The following DRAXIN variants were observed in gnomAD, a reference collection of about 807,000 sequenced individuals.
DRAXIN encodes the protein dorsal inhibitory axon guidance protein.
DRAXIN carries 27 observed loss-of-function variants against 33.9 expected under a neutral mutation model. That is an observed-to-expected ratio of 0.80 (90% CI 0.59 to 1.10). The LOEUF is 1.10. Ranked by LOEUF, DRAXIN falls within the 50% of genes least tolerant of loss-of-function variation. The probability of loss-of-function intolerance (pLI) is 0.00; values close to 1 mark genes in which losing one functional copy is unlikely to be tolerated. For missense variants in DRAXIN, 371 were observed against 460.8 expected, an observed-to-expected ratio of 0.81 and a Z score of 1.78; for synonymous variants, 178 against 194.0, an observed-to-expected ratio of 0.92 and a Z score of 0.69.
chr1:11,719,167 G>A (rs1641623190), intron 6 of DRAXIN, among the ~76,000 whole-genome samples: 1 of 152,202 alleles, frequency 6.6e-6, no homozygotes, highest in African/African-American at 2.4e-5. Flanking sequence ...GCCTTACAAA[G>A]CGCTGGGATT....
rs1049728675 is a variant in DRAXIN, at chr1:11,720,538, A to T, written c.*842A>T. 6.7e-6 allele frequency: 1 copy of T among 148,198 alleles called. No homozygotes were observed. The highest frequency in any genetic ancestry group is 2.5e-5 in the African/African-American group (1 of 40,032). 9.2% of individuals were successfully genotyped at this position (148,198 alleles called of 1,614,324 possible). A position where few individuals can be genotyped will look rare whatever the true frequency, so the allele number is the denominator to read the frequency against. On this transcript the variant is annotated 3_prime_UTR_variant, in exon 7 of 7. Transcript: ENST00000294485. ...AACTTGGGAGGCAGAGGTTGCAGTG[A>T]GCAGAGATCGTGCCACTGCACTCCA...
At chr1:11,713,062 G>A (rs1641522289) in intron 5 of DRAXIN, among the ~76,000 whole-genome samples, 1 of 152,124 alleles carries the variant, frequency 6.6e-6, no homozygotes, top group South Asian at 2.1e-4. Flanking sequence ...GCTGGGCATG[G>A]TGGTGTGCGC....
At chr1:11,702,145 C>T (rs1412875851) in intron 1 of DRAXIN, among the ~76,000 whole-genome samples, 2 of 148,902 alleles carry the variant, frequency 1.3e-5, no homozygotes, top group Non-Finnish European at 3.0e-5. Flanking sequence ...ACGTACACGC[C>T]CACACACATT....
chr1:11,713,747 A>AT (rs1641533574), intron 5 of DRAXIN, among the ~76,000 whole-genome samples: 1 of 152,184 alleles, frequency 6.6e-6, no homozygotes, highest in African/African-American at 2.4e-5. Flanking sequence ...ATTTAAAAAA[A>AT]TAACCAGGCT....
chr1:11,706,117 G>A lies in DRAXIN; in HGVS notation c.-10-132G>A, dbSNP rs1195787891. On this transcript the variant is annotated intron_variant, in intron 1 of 6. Coordinates refer to ENST00000294485, the MANE Select transcript of DRAXIN (RefSeq NM_198545.4). The surrounding 1 kb of genome is among the most constrained non-coding windows in gnomAD (Gnocchi z 5.5). ...TTTGACAACTAAAATATGTCTTCGG[G>A]CATTGCCAAATGTCACTGGGAGCAA... The A allele has an allele frequency of 2.3e-5, 20 of 864,312 alleles. No homozygotes were observed. Among genetic ancestry groups the A allele is most frequent in the Non-Finnish European group, 1.9e-5 (11 of 584,854 alleles). The allele number at this position is 864,312 out of a possible 1,614,324, so 53.5% of individuals were successfully genotyped here. A position where few individuals can be genotyped will look rare whatever the true frequency, so the allele number is the denominator to read the frequency against.
chr1:11,719,072 T>C (rs1479233852), intron 6 of DRAXIN, among the ~76,000 whole-genome samples: 1 of 152,100 alleles, frequency 6.6e-6, no homozygotes, highest in African/African-American at 2.4e-5. Context: ...GGGTAGTTTT[T>C]GTATTTTTTT....
intron 3 of DRAXIN, 146 bp from the exon 4 acceptor site, chr1:11,711,705 T>C (rs1570317059): frequency 5.9e-6 from 4 of 676,034 alleles, no homozygotes; most frequent in South Asian, 3.7e-5. Context: ...GCCATCTTTA[T>C]GTCCTTGGGC....
chr1:11,692,233 G>C lies in DRAXIN; in HGVS notation c.-11+380G>C, dbSNP rs1363615159. Among the ~76,000 whole-genome samples, 1 of 152,156 alleles carries C rather than the reference G, an allele frequency of 6.6e-6. No homozygotes were observed. The highest frequency in any genetic ancestry group is 2.4e-5 in the African/African-American group (1 of 41,424). The stretch of plus-strand genomic sequence containing the variant: ...TCTCTCCCTGACCCAGTCTCCCTTT[G>C]TCTCTCTGTCTCTGAGTCTCCGGGT... On this transcript the variant is annotated intron_variant, in intron 1 of 6. Transcript: ENST00000294485. The surrounding 1 kb of genome is among the most constrained non-coding windows in gnomAD (Gnocchi z 5.8).
rs1641303919 is a variant in DRAXIN at position 11,702,297 on chromosome 1, GCT to G, written c.-10-3950_-10-3949del. On this transcript the variant is annotated intron_variant, in intron 1 of 6. Transcript: ENST00000294485. The stretch of plus-strand genomic sequence containing the variant: ...TACCCATACATATTCACACTCACAT[GCT>G]CACAGCACACACACACGCTCACGCA... Among the ~76,000 whole-genome samples, 3 of 140,216 alleles carry G rather than the reference GCT, an allele frequency of 2.1e-5. No individual in the cohort carries two copies. In the South Asian group the frequency reaches 6.7e-4, roughly 32 times the overall value. The allele number at this position is 140,216 out of a possible 152,430, so 92.0% of individuals were successfully genotyped here. A position where few individuals can be genotyped will look rare whatever the true frequency, so the allele number is the denominator to read the frequency against.
chr1:11,715,019 C>T, intron 5 of DRAXIN, 100 bp from the exon 6 acceptor site: 1 of 1,423,064 alleles, frequency 7.0e-7, no homozygotes, highest in Non-Finnish European at 9.9e-7. Context: ...GCGCGGCCTG[C>T]CACAGAGATG....
rs1641200592 is a variant in DRAXIN, at chr1:11,696,851, ACT to A, written c.-11+5001_-11+5002del. Among the ~76,000 whole-genome samples the A allele has an allele frequency of 2.0e-5, 3 of 151,220 alleles. No homozygotes were observed. On this transcript the variant is annotated intron_variant, in intron 1 of 6. Coordinates refer to ENST00000294485, the MANE Select transcript of DRAXIN (RefSeq NM_198545.4). The surrounding 1 kb of genome is among the most constrained non-coding windows in gnomAD (Gnocchi z 4.7). The stretch of plus-strand genomic sequence containing the variant: ...CACTCCAGCCTGGTGACAGAGCAAG[ACT>A]CTGTCTCAAAAAACAAAAACAAAAC...
chr1:11,693,012 T>C (rs1459915470), intron 1 of DRAXIN, among the ~76,000 whole-genome samples: 1 of 151,776 alleles, frequency 6.6e-6, no homozygotes, highest in African/African-American at 2.4e-5. Context: ...TCCACAGAAA[T>C]GGATCTCAAA....
In DRAXIN at chr1:11,706,581, A is replaced by C. The variant is rs775541982; in HGVS notation, c.323A>C (p.Asp108Ala). Residue 108 changes from aspartate to alanine, a missense_variant, in exon 2 of 7, where the codon GAC becomes GCC. Coordinates refer to ENST00000294485, the MANE Select transcript of DRAXIN (RefSeq NM_198545.4). This position sits in a 1 kb window ranked among gnomAD's most constrained non-coding sequence, Gnocchi z 5.5. Reference protein sequence around the residue: ...PEQSPAGLLQDKDLLLGLALP... With the variant: ...PEQSPAGLLQAKDLLLGLALP... ...CAGAGTCCTGCAGGCCTGCTGCAGG[A>C]CAAGGACCTGCTCCTGGGACTGGCA... The C allele has an allele frequency of 6.2e-7, 1 of 1,608,660 alleles. No individual in the cohort carries two copies. Among genetic ancestry groups the C allele is most frequent in the Non-Finnish European group, 8.5e-7 (1 of 1,179,398 alleles).
At chr1:11,716,551 A>G (rs1297084149) in intron 6 of DRAXIN, among the ~76,000 whole-genome samples, 1 of 152,208 alleles carries the variant, frequency 6.6e-6, no homozygotes, top group Non-Finnish European at 1.5e-5. Flanking sequence ...TTAGCCTCAG[A>G]GAGTTATCTA....
At chr1:11,700,818 T>G (rs1004592591) in intron 1 of DRAXIN, among the ~76,000 whole-genome samples, 5 of 152,134 alleles carry the variant, frequency 3.3e-5, no homozygotes, top group African/African-American at 1.2e-4. Flanking sequence ...CAGCCATGAC[T>G]TGCTCCCCCC....
At chr1:11,701,973 C>A (rs908715989) in intron 1 of DRAXIN, among the ~76,000 whole-genome samples, 2 of 152,124 alleles carry the variant, frequency 1.3e-5, no homozygotes, top group African/African-American at 4.8e-5. Context: ...AGAGAGGGGC[C>A]CGTGTAGTCT....
At chr1:11,717,851 C>T (rs1268410625) in intron 6 of DRAXIN, among the ~76,000 whole-genome samples, 3 of 149,616 alleles carry the variant, frequency 2.0e-5, no homozygotes. Flanking sequence ...AAAAATTAGC[C>T]GGGTGTGGTG....
chr1:11,693,648 C>CA (rs1641140068), intron 1 of DRAXIN, among the ~76,000 whole-genome samples: 1 of 152,216 alleles, frequency 6.6e-6, no homozygotes, highest in Non-Finnish European at 1.5e-5. Context: ...ATCCCCCATC[C>CA]AGGCTCCTGC....
In DRAXIN at chr1:11,706,692, G is replaced by A; in HGVS notation, c.434G>A (p.Arg145Lys). The A allele has an allele frequency of 6.3e-7, 1 of 1,582,078 alleles. No homozygotes were observed. The highest frequency in any genetic ancestry group is 8.6e-7 in the Non-Finnish European group (1 of 1,169,058). The stretch of plus-strand genomic sequence containing the variant: ...AGGGAGCACAAGAGACGCAGGGACA[G>A]GTTGAGGCTGCACCAAGGTAGCTGG... ...RSREHKRRRD[R>K]LRLHQGRALV... is the part of the protein sequence containing the mutation. The change falls in exon 2 of 7, where the codon AGG becomes AAG. Residue 145 changes from arginine (R) to lysine (K), a missense_variant. Coordinates refer to ENST00000294485, the MANE Select transcript of DRAXIN (RefSeq NM_198545.4). The surrounding 1 kb of genome is among the most constrained non-coding windows in gnomAD (Gnocchi z 5.5).
Sources: allele counts gnomAD v4.1 joint callset (sites outside exome capture counted in the v4.1 genomes callset), GRCh38; gene constraint gnomAD v4.1.1; non-coding constraint Gnocchi (gnomAD v3.1); transcripts MANE v1.5; gene names NCBI Gene and HGNC (gene_info 2026-07-23, HGNC 2026-07-21).